DNAH9: variants seen among roughly 807,000 people sequenced by gnomAD.
DNAH9 encodes DNAH9 variant protein.
Under a neutral mutation model 471.6 loss-of-function variants are expected in DNAH9, and 345 were observed. The ratio of observed to expected loss-of-function variants is 0.73; its 90% CI spans 0.67 to 0.80. DNAH9 has a LOEUF of 0.80. Ranked by LOEUF, DNAH9 falls within the 30% of genes least tolerant of loss-of-function variation. The pLI is 0.00. For synonymous variants in DNAH9, 2,093 were observed against 2,123.6 expected, an observed-to-expected ratio of 0.99 and a Z score of 0.40; for missense variants, 5,407 against 5,609.2, an observed-to-expected ratio of 0.96 and a Z score of 1.15.
intron 4 of DNAH9, among the ~76,000 whole-genome samples, chr17:11,615,939 G>A (rs907408965): frequency 6.6e-6 from 1 of 152,094 alleles, no homozygotes; most frequent in African/African-American, 2.4e-5. Flanking sequence ...CCCTCCACTT[G>A]AGAATCCCTG....
intron 39 of DNAH9, 94 bp downstream of exon 39, chr17:11,781,268 A>C: frequency 1.5e-6 from 2 of 1,341,392 alleles, no homozygotes; most frequent in African/African-American, 1.5e-5. Context: ...GGCAAACCTC[A>C]GCATAGCTCT....
At position 11,854,000 on chromosome 17, in the gene DNAH9, C is replaced by T. The variant is rs918227870; in HGVS notation, c.9508-3C>T. The T allele has an allele frequency of 2.5e-6, 4 of 1,612,046 alleles. No homozygotes were observed. The highest frequency in any genetic ancestry group is 3.4e-6 in the Non-Finnish European group (4 of 1,178,642). ...CCCTAACCACCTCCTTCTCTTTTCC[C>T]AGACCAACCTGACAGAGCTGAAGTC... On this transcript the variant is annotated splice_polypyrimidine_tract_variant and splice_region_variant and intron_variant, in intron 49 of 68. Transcript: ENST00000262442.
intron 19 of DNAH9, among the ~76,000 whole-genome samples, chr17:11,681,327 G>A (rs903711572): frequency 7.2e-5 from 11 of 152,186 alleles, no homozygotes; most frequent in Non-Finnish European, 1.6e-4. Flanking sequence ...GTTTTCTTCA[G>A]GGGGTTTCTC....
chr17:11,835,382 A>T (rs755668105), intron 49 of DNAH9, among the ~76,000 whole-genome samples: 1 of 152,230 alleles, frequency 6.6e-6, no homozygotes, highest in African/African-American at 2.4e-5. Flanking sequence ...ATAATATGTT[A>T]GCCTCAAAAT....
intron 56 of DNAH9, 84 bp downstream of exon 56, chr17:11,883,834 A>G (rs974276848): frequency 2.8e-5 from 40 of 1,428,328 alleles, no homozygotes; most frequent in Non-Finnish European, 6.6e-6. Flanking sequence ...AATGAGTCTG[A>G]CTTTTAGAAA....
At position 11,866,327 on chromosome 17, in the gene DNAH9, C is replaced by G. The variant is rs930237644; in HGVS notation, c.9934-2807C>G. 1.9e-3 allele frequency among the ~76,000 whole-genome samples: 295 copies of G among 152,242 alleles called. 1 individual carries two copies. Among genetic ancestry groups the G allele is most frequent in the African/African-American group, 7.0e-3 (290 of 41,534 alleles). ...GGTATCAGCAGCGGTGTCTGCAGAA[C>G]AGTGGTTTTTCTTGAACCGCGAATG... On this transcript the variant is annotated intron_variant, in intron 50 of 68. Transcript: ENST00000262442.
At chr17:11,704,089 G>A in intron 24 of DNAH9, 114 bp from the exon 25 acceptor site, 1 of 1,170,008 alleles carries the variant, frequency 8.5e-7, no homozygotes. Context: ...GAAGAGGGAG[G>A]GATGGGGCTC....
Position 11,969,662 on chromosome 17 carries a change from T to A in DNAH9, c.*135T>A. The A allele has an allele frequency of 1.3e-6, 1 of 756,680 alleles. No homozygotes were observed. The highest frequency in any genetic ancestry group is 2.1e-6 in the Non-Finnish European group (1 of 480,686). The allele number at this position is 756,680 out of a possible 1,614,324, so 46.9% of individuals were successfully genotyped here. A position where few individuals can be genotyped will look rare whatever the true frequency, so the allele number is the denominator to read the frequency against. Reference sequence around the variant, plus strand: ...CACTCACAATTCTGTAGAATTCCTCTAGGGAACTTGGAGAGGTGTGCCTAA... The same window carrying A: ...CACTCACAATTCTGTAGAATTCCTCAAGGGAACTTGGAGAGGTGTGCCTAA... On this transcript the variant is annotated 3_prime_UTR_variant, in exon 69 of 69. Coordinates refer to ENST00000262442, the MANE Select transcript of DNAH9 (RefSeq NM_001372.4).
chr17:11,914,719 CTTTG>C (rs1337500337), intron 61 of DNAH9, among the ~76,000 whole-genome samples: 1 of 152,050 alleles, frequency 6.6e-6, no homozygotes, highest in Non-Finnish European at 1.5e-5. Context: ...TATATTCTTT[CTTTG>C]TTTCTTTGTC....
At chr17:11,628,974 T>C (rs975313177) in intron 6 of DNAH9, among the ~76,000 whole-genome samples, 2 of 152,166 alleles carry the variant, frequency 1.3e-5, no homozygotes, top group African/African-American at 4.8e-5. Flanking sequence ...CCCGATCTAA[T>C]AATAAGGTTA....
chr17:11,743,474 G>A (rs143855446), intron 30 of DNAH9, among the ~76,000 whole-genome samples: 2 of 152,134 alleles, frequency 1.3e-5, no homozygotes, highest in South Asian at 4.2e-4. Context: ...ATTTAAAAAC[G>A]CTCCTCACTG....
intron 49 of DNAH9, among the ~76,000 whole-genome samples, chr17:11,847,347 A>C (rs1378961425): frequency 2.0e-5 from 3 of 152,150 alleles, no homozygotes; most frequent in Admixed American, 6.5e-5. Flanking sequence ...TTTGGGTTTT[A>C]CATTTAAGTC....
At chr17:11,890,415 A>G (rs979690036) in intron 57 of DNAH9, among the ~76,000 whole-genome samples, 1 of 152,258 alleles carries the variant, frequency 6.6e-6, no homozygotes, top group Non-Finnish European at 1.5e-5. Context: ...GCCTTTGTTA[A>G]CAAGAAACAC....
intron 43 of DNAH9, among the ~76,000 whole-genome samples, chr17:11,804,959 C>T (rs1969613586): frequency 6.6e-6 from 1 of 151,242 alleles, no homozygotes; most frequent in Non-Finnish European, 1.5e-5. Context: ...GAGGCTGAAG[C>T]AGGAGAATTC....
intron 6 of DNAH9, among the ~76,000 whole-genome samples, chr17:11,625,082 AC>A (rs1297373578): frequency 3.0e-4 from 45 of 151,600 alleles, no homozygotes; most frequent in African/African-American, 9.9e-4. Context: ...CAGTGCACAC[AC>A]ACACACACAC....
At chr17:11,933,832 G>C in intron 64 of DNAH9, 48 bp from the exon 65 acceptor site, 1 of 1,566,612 alleles carries the variant, frequency 6.4e-7, no homozygotes, top group Non-Finnish European at 8.7e-7. Context: ...CCCGACGCCT[G>C]TGTGGAGGTC....
In DNAH9 at chr17:11,784,468, A is replaced by G. The variant is rs1968786348; in HGVS notation, c.7990A>G (p.Thr2664Ala). ...CCTCGCCTTCCACCAGAAAATTGCT[A>G]CCACCTTCCTACCCACAGGAATCAA... The part of the protein sequence containing the change: ...LALAFHQKIA[T>A]TFLPTGIKFH... Residue 2664 changes from threonine to alanine, a missense_variant, in exon 41 of 69, where the codon ACC becomes GCC. This residue lies in a region of DNAH9 where 4,636 missense variants were observed against 4,900.3 expected (regional missense o/e 0.95). Transcript: ENST00000262442. The G allele has an allele frequency of 1.9e-6, 3 of 1,614,020 alleles. No homozygotes were observed. Among genetic ancestry groups the G allele is most frequent in the Admixed American group, 1.7e-5 (1 of 60,000 alleles).
chr17:11,803,653 G>T (rs1001154000), intron 43 of DNAH9, among the ~76,000 whole-genome samples: 1 of 152,168 alleles, frequency 6.6e-6, no homozygotes, highest in Admixed American at 6.5e-5. Context: ...CGGTGCTGAC[G>T]GTTGCAGACT....
In DNAH9 at chr17:11,871,744, C is replaced by A. The variant is rs1445219008; in HGVS notation, c.10200C>A (p.Ser3400Arg). The A allele has an allele frequency of 9.9e-6, 16 of 1,614,098 alleles. No homozygotes were observed. The highest frequency in any genetic ancestry group is 1.4e-5 in the Non-Finnish European group (16 of 1,180,028). ...TCTTCACAAAGAAATACCGGCAGAG[C>A]CTCCTGGACAGAACTTGGAGGCCCT... The part of the protein sequence containing the change: ...LGFFTKKYRQ[S>R]LLDRTWRPYL... The change falls in exon 52 of 69, where the codon AGC becomes AGA. Residue 3400 changes from serine (S) to arginine (R), a missense_variant. By Grantham distance (110) the Ser-to-Arg change is moderately radical. Coordinates refer to ENST00000262442, the MANE Select transcript of DNAH9 (RefSeq NM_001372.4).
Sources: gnomAD v4.1 joint callset for allele counts (sites outside exome capture counted in the v4.1 genomes callset) on GRCh38, gnomAD v4.1.1 for gene constraint, gnomAD v4.1.1 regional missense constraint, MANE v1.5 for transcripts, NCBI Gene and HGNC (gene_info 2026-07-23, HGNC 2026-07-21) for gene names.